BACE2: variants seen among roughly 807,000 people sequenced by gnomAD.
BACE2 encodes 56 kDa aspartic-like protease.
Under a neutral mutation model 46.2 loss-of-function variants are expected in BACE2, and 17 were observed. That is an observed-to-expected ratio of 0.37 (90% confidence interval 0.25 to 0.55). BACE2 has a LOEUF of 0.55. Ranked by LOEUF, BACE2 falls within the 20% of genes least tolerant of loss-of-function variation. BACE2 has a pLI of 0.82. For missense variants in BACE2, 595 were observed against 698.1 expected, an observed-to-expected ratio of 0.85 and a Z score of 1.66; for synonymous variants, 277 against 295.9, an observed-to-expected ratio of 0.94 and a Z score of 0.66.
intron 8 of BACE2, 48 bp downstream of exon 8, chr21:41,257,374 T>C (rs576328851): frequency 1.9e-6 from 3 of 1,594,564 alleles, no homozygotes; most frequent in Admixed American, 1.7e-5. Context: ...GAGTCCTTTA[T>C]GTAAATGTGC....
intron 1 of BACE2, among the ~76,000 whole-genome samples, chr21:41,203,648 G>A (rs1412570773): frequency 6.6e-6 from 1 of 152,146 alleles, no homozygotes. Flanking sequence ...TTTTGAGAGT[G>A]TGCTACACAG....
chr21:41,192,570 A>C (rs1377066400), intron 1 of BACE2, among the ~76,000 whole-genome samples: 1 of 152,208 alleles, frequency 6.6e-6, no homozygotes, highest in Non-Finnish European at 1.5e-5. Flanking sequence ...AGAAGATGGC[A>C]GGGCCTTGCT....
At chr21:41,210,924 C>T (rs1018886078) in intron 1 of BACE2, among the ~76,000 whole-genome samples, 5 of 152,152 alleles carry the variant, frequency 3.3e-5, no homozygotes, top group African/African-American at 7.2e-5. Flanking sequence ...ACCCATTCAG[C>T]GTAAAGCTCC....
At chr21:41,270,925 G>T (rs2088428086) in intron 8 of BACE2, among the ~76,000 whole-genome samples, 2 of 152,050 alleles carry the variant, frequency 1.3e-5, no homozygotes, top group South Asian at 4.2e-4. Context: ...TATATTTGTG[G>T]ATTTGTCTAT....
chr21:41,200,101 G>A (rs371724069), intron 1 of BACE2, among the ~76,000 whole-genome samples: 111 of 150,864 alleles, frequency 7.4e-4, no homozygotes, highest in East Asian at 3.3e-3. Flanking sequence ...ATGATGAGTT[G>A]ATGGGTGCAG....
Position 41,245,955 on chromosome 21 carries a change from G to T in BACE2, c.883-7G>T, listed in dbSNP as rs1987455984. On this transcript the variant is annotated splice_polypyrimidine_tract_variant and splice_region_variant and intron_variant, in intron 5 of 8. Coordinates refer to ENST00000330333, the MANE Select transcript of BACE2 (RefSeq NM_012105.5). ...CACGCACCTTTCCCTTTCTCTCCCG[G>T]TTCAAGTATAACGCAGACAAGGCCA... 1 of 1,601,652 alleles carries T rather than the reference G, an allele frequency of 6.2e-7. No individual in the cohort carries two copies. The highest frequency in any genetic ancestry group is 2.2e-5 in the East Asian group (1 of 44,470).
At position 41,193,608 on chromosome 21, in the gene BACE2, G is replaced by A. The variant is rs1040190520; in HGVS notation, c.312+25033G>A. 2.0e-5 allele frequency among the ~76,000 whole-genome samples: 3 copies of A among 152,124 alleles called. No individual in the cohort carries two copies. The highest frequency in any genetic ancestry group is 4.4e-5 in the Non-Finnish European group (3 of 68,024). ...AGGCAGCTCTAATGGCTTCCATTTG[G>A]CCTTTCTCACCATAATAGTCCACAC... On this transcript the variant is annotated intron_variant, in intron 1 of 8. Transcript: ENST00000330333. The surrounding 1 kb of genome is among the most constrained non-coding windows in gnomAD (Gnocchi z 4.2).
At chr21:41,200,202 C>A (rs115064042) in intron 1 of BACE2, among the ~76,000 whole-genome samples, 22,523 of 144,180 alleles carry the variant, frequency 0.16, 1,827 homozygotes, top group Middle Eastern at 0.2. Context: ...AAAAAAAAAA[C>A]AAAAAAAAAA....
chr21:41,249,633 G>A (rs940778232), intron 6 of BACE2, among the ~76,000 whole-genome samples: 19 of 152,066 alleles, frequency 1.2e-4, no homozygotes, highest in Non-Finnish European at 7.4e-5. Flanking sequence ...CCTCCCCAGC[G>A]CCTGCTTGGC....
intron 6 of BACE2, 84 bp downstream of exon 6, chr21:41,246,147 C>G (rs1490536144): frequency 2.0e-6 from 2 of 1,017,478 alleles, no homozygotes. Context: ...TTCTGAGCAT[C>G]TCTGAACTAT....
intron 1 of BACE2, chr21:41,182,329 T>C (rs550194738): frequency 2.4e-5 from 4 of 167,234 alleles, no homozygotes; most frequent in African/African-American, 7.2e-5. Flanking sequence ...GTGGGGGTAC[T>C]TAACAATACC....
intron 1 of BACE2, among the ~76,000 whole-genome samples, chr21:41,215,120 A>C (rs1209346400): frequency 2.6e-5 from 4 of 151,850 alleles, no homozygotes; most frequent in Admixed American, 6.6e-5. Flanking sequence ...GGCCATGGAG[A>C]GCTGAGGCAG....
At chr21:41,261,381 G>A (rs927557951) in intron 8 of BACE2, among the ~76,000 whole-genome samples, 2 of 152,018 alleles carry the variant, frequency 1.3e-5, no homozygotes, top group Non-Finnish European at 2.9e-5. Flanking sequence ...TATGTTTTTG[G>A]GATGTTTGAG....
At chr21:41,244,913 G>T (rs1465338554) in intron 5 of BACE2, among the ~76,000 whole-genome samples, 4 of 151,938 alleles carry the variant, frequency 2.6e-5, no homozygotes, top group Non-Finnish European at 5.9e-5. Flanking sequence ...GTGTGTATTA[G>T]AGAGGAAAAG....
At chr21:41,267,540 C>T (rs1601322567) in intron 8 of BACE2, among the ~76,000 whole-genome samples, 1 of 152,146 alleles carries the variant, frequency 6.6e-6, no homozygotes, top group Non-Finnish European at 1.5e-5. Context: ...ATTATGGCAG[C>T]CATTTGACTG....
At chr21:41,179,917 A>G (rs1169010939) in intron 1 of BACE2, 6 of 373,406 alleles carry the variant, frequency 1.6e-5, no homozygotes, top group Non-Finnish European at 2.2e-5. Context: ...AGATTGAAGC[A>G]TAGCCCGGGA....
intron 1 of BACE2, among the ~76,000 whole-genome samples, chr21:41,210,911 C>G (rs1009216102): frequency 6.6e-6 from 1 of 152,134 alleles, no homozygotes; most frequent in Admixed American, 6.5e-5. Context: ...GTATGTTTAG[C>G]CAACCCATTC....
chr21:41,169,253 C>T (rs1984507914), intron 1 of BACE2, among the ~76,000 whole-genome samples: 1 of 151,588 alleles, frequency 6.6e-6, no homozygotes, highest in Non-Finnish European at 1.5e-5. Flanking sequence ...TGCATCTACA[C>T]GCGGGTGTGC....
At chr21:41,224,017 GA>G (rs1463352757) in intron 1 of BACE2, among the ~76,000 whole-genome samples, 2 of 152,024 alleles carry the variant, frequency 1.3e-5, no homozygotes, top group African/African-American at 2.4e-5. Flanking sequence ...AGAGAAGGAG[GA>G]AATCAGGAAA....
Sources: allele counts gnomAD v4.1 joint callset (sites outside exome capture counted in the v4.1 genomes callset), GRCh38; gene constraint gnomAD v4.1.1; non-coding constraint Gnocchi (gnomAD v3.1); transcripts MANE v1.5; gene names NCBI Gene and HGNC (gene_info 2026-07-23, HGNC 2026-07-21).